Variants in NTRK2 observed in about 807,000 individuals in gnomAD.
The protein encoded by NTRK2 is neurotrophic receptor tyrosine kinase 2, also known as BDNF/NT-3 growth factors receptor.
Under a neutral mutation model 94.5 loss-of-function variants are expected in NTRK2, and 13 were observed. The ratio of observed to expected loss-of-function variants is 0.14; its 90% CI spans 0.09 to 0.22. The LOEUF (loss-of-function observed/expected upper bound fraction) is 0.22, where lower values mean the gene tolerates loss of function less well. Among genes scored for constraint, NTRK2 ranks in the 10% least tolerant of loss-of-function variants. NTRK2 has a pLI of 1.00. For missense variants in NTRK2, 639 were observed against 1,071.2 expected (o/e 0.60, Z 5.63); for synonymous variants, 372 against 407.4 (o/e 0.91, Z 1.05).
At chr9:84,894,791 T>A (rs999809818) in intron 14 of NTRK2, among the ~76,000 whole-genome samples, 4 of 152,170 alleles carry the variant, frequency 2.6e-5, no homozygotes, top group Non-Finnish European at 4.4e-5. Flanking sequence ...TAGGATGACT[T>A]CAAAACACCA....
intron 12 of NTRK2, among the ~76,000 whole-genome samples, chr9:84,809,395 T>C (rs2071493145): frequency 6.7e-6 from 1 of 148,492 alleles, no homozygotes; most frequent in Non-Finnish European, 1.5e-5. Flanking sequence ...TTATACATCA[T>C]ATTATTTATA....
At chr9:84,878,253 C>T (rs1301837094) in intron 14 of NTRK2, among the ~76,000 whole-genome samples, 1 of 152,098 alleles carries the variant, frequency 6.6e-6, no homozygotes, top group African/African-American at 2.4e-5. Flanking sequence ...TAAATAAAGC[C>T]AGCATAATCC....
chr9:84,741,660 T>A (rs902109826), intron 9 of NTRK2, among the ~76,000 whole-genome samples: 1 of 152,210 alleles, frequency 6.6e-6, no homozygotes, highest in Non-Finnish European at 1.5e-5. Flanking sequence ...GTGATCTTTT[T>A]TTGTGATTTG....
chr9:84,926,104 CCTTTCCTTCCTTCCTTCCTTCCTT>C (rs1482342806), intron 14 of NTRK2, among the ~76,000 whole-genome samples: 1 of 139,382 alleles, frequency 7.2e-6, no homozygotes, highest in African/African-American at 2.9e-5. Flanking sequence ...TTCCTTCCTT[CCTTTCCTTCCTTCCTTCCTTCCTT>C]CCTTCCTTCC....
chr9:84,720,154 C>T (rs1234957474), intron 6 of NTRK2, among the ~76,000 whole-genome samples: 1 of 151,872 alleles, frequency 6.6e-6, no homozygotes, highest in East Asian at 1.9e-4. Flanking sequence ...ATGGAGAAAG[C>T]CAAGGGGAAA....
At chr9:84,999,808 G>A (rs1330538659) in intron 17 of NTRK2, among the ~76,000 whole-genome samples, 3 of 152,144 alleles carry the variant, frequency 2.0e-5, no homozygotes, top group Non-Finnish European at 4.4e-5. Context: ...CCCTGGGGAA[G>A]GGTAGGTGGA....
rs200946129 is a variant in NTRK2, at chr9:84,873,255, G to C, written c.1633+5824G>C. The C allele has an allele frequency of 7.5e-6, 8 of 1,059,746 alleles. No homozygotes were observed. The African/African-American group carries it at 1.2e-4, about 15-fold the overall frequency. 65.6% of individuals were successfully genotyped at this position (1,059,746 alleles called of 1,614,324 possible). On this transcript the variant is annotated intron_variant, in intron 14 of 18. Transcript: ENST00000277120. ...ATATTTTCTCCTAATTGTTTAATTG[G>C]CCAAATAATGGCTGCTTTGGGAGTT... is the stretch of plus-strand genomic sequence containing the variant.
chr9:84,711,827 G>C (rs937860122), intron 6 of NTRK2, among the ~76,000 whole-genome samples: 1 of 152,198 alleles, frequency 6.6e-6, no homozygotes, highest in Non-Finnish European at 1.5e-5. Context: ...AGACGGCCCT[G>C]ACCCTTCCCA....
At chr9:84,903,178 A>G (rs753673000) in intron 14 of NTRK2, among the ~76,000 whole-genome samples, 1 of 152,246 alleles carries the variant, frequency 6.6e-6, no homozygotes, top group Non-Finnish European at 1.5e-5. Flanking sequence ...TACAGTGCAG[A>G]TGGAACATTT....
intron 12 of NTRK2, among the ~76,000 whole-genome samples, chr9:84,775,423 C>G (rs11140754): frequency 6.6e-6 from 1 of 152,304 alleles, no homozygotes. Flanking sequence ...TCAGCATTTG[C>G]TTAGCCAGAG....
intron 4 of NTRK2, among the ~76,000 whole-genome samples, chr9:84,705,046 A>G (rs536334159): frequency 8.9e-4 from 135 of 152,240 alleles, no homozygotes; most frequent in South Asian, 4.2e-4. Context: ...ATAACAAAAT[A>G]TGTATTAAAA....
intron 17 of NTRK2, among the ~76,000 whole-genome samples, chr9:84,999,483 C>T (rs1830109617): frequency 6.6e-6 from 1 of 152,162 alleles, no homozygotes; most frequent in African/African-American, 2.4e-5. Context: ...AATTCTTGCT[C>T]ATTTGAATGT....
chr9:84,819,059 G>A (rs567158283), intron 12 of NTRK2, among the ~76,000 whole-genome samples: 1 of 152,274 alleles, frequency 6.6e-6, no homozygotes, highest in African/African-American at 2.4e-5. Context: ...CCTGGAGCCT[G>A]TGTTTACTGA....
Position 84,955,387 on chromosome 9 carries a change from T to A in NTRK2, c.2042T>A (p.Val681Asp), listed in dbSNP as rs767304206. The A allele has an allele frequency of 6.2e-7, 1 of 1,614,146 alleles. No homozygotes were observed. The highest frequency in any genetic ancestry group is 1.3e-5 in the African/African-American group (1 of 75,062). ...HIAQQIAAGM[V>D]YLASQHFVHR... ...GCCCAGCAGATCGCCGCGGGCATGG[T>A]CTACCTGGCGTCCCAGCACTTCGTG... Residue 681 changes from valine (V) to aspartate (D), a missense_variant, in exon 17 of 19, where the codon GTC (valine) becomes GAC (aspartate). By Grantham distance (152) the Val-to-Asp change is radical (BLOSUM62 -3). Coordinates refer to ENST00000277120, the MANE Select transcript of NTRK2 (RefSeq NM_006180.6).
At chr9:84,994,757 A>T (rs1829534930) in intron 17 of NTRK2, among the ~76,000 whole-genome samples, 1 of 152,220 alleles carries the variant, frequency 6.6e-6, no homozygotes, top group Non-Finnish European at 1.5e-5. Context: ...GTCTCAAAAT[A>T]GTGCTTTATT....
Position 84,727,862 on chromosome 9 carries a change from G to A in NTRK2, c.1062G>A (p.Met354Ile). 6.2e-7 allele frequency: 1 copy of A among 1,614,152 alleles called. No individual in the cohort carries two copies. The highest frequency in any genetic ancestry group is 8.5e-7 in the Non-Finnish European group (1 of 1,180,004). Residue 354 changes from methionine (M) to isoleucine (I), a missense_variant, in exon 9 of 19, where the codon ATG becomes ATA. By Grantham distance (10) the Met-to-Ile change is conservative. Around this residue, in one of 5 missense-constraint regions of NTRK2, gnomAD observed 343 missense variants for 571.5 expected, o/e 0.60. Coordinates refer to ENST00000277120, the MANE Select transcript of NTRK2 (RefSeq NM_006180.6). Reference sequence around the variant, plus strand: ...TCCAGCTGGATAATCCCACTCACATGAACAATGGGGACTACACTCTAATAG... The same window carrying A: ...TCCAGCTGGATAATCCCACTCACATAAACAATGGGGACTACACTCTAATAG... ...GCLQLDNPTH[M>I]NNGDYTLIAK...
intron 14 of NTRK2, chr9:84,875,116 T>C: frequency 9.4e-7 from 1 of 1,060,602 alleles, no homozygotes; most frequent in Non-Finnish European, 1.1e-6. Context: ...TCTAGTCTTG[T>C]GGATATCCTT....
intron 11 of NTRK2, among the ~76,000 whole-genome samples, 200 bp downstream of exon 11, chr9:84,745,273 G>C (rs1397422286): frequency 6.6e-6 from 1 of 152,120 alleles, no homozygotes; most frequent in Non-Finnish European, 1.5e-5. Context: ...TGCTGCTTTT[G>C]TGCACCACTT....
chr9:84,733,795 C>G (rs765162565), intron 9 of NTRK2, among the ~76,000 whole-genome samples: 1 of 152,186 alleles, frequency 6.6e-6, no homozygotes, highest in Non-Finnish European at 1.5e-5. Flanking sequence ...ACAAAGACAC[C>G]TCTTTAAATC....
Sources: gnomAD v4.1 joint callset for allele counts (sites outside exome capture counted in the v4.1 genomes callset) on GRCh38, gnomAD v4.1.1 for gene constraint, gnomAD v4.1.1 regional missense constraint, MANE v1.5 for transcripts, NCBI Gene and HGNC (gene_info 2026-07-23, HGNC 2026-07-21) for gene names.